The following COBL variants were observed in gnomAD, a reference collection of about 807,000 sequenced individuals.
COBL encodes the protein cordon-bleu WH2 repeat protein, also known as protein cordon-bleu.
A neutral mutation model predicts 98.8 loss-of-function variants in COBL; 51 were observed. The observed-to-expected ratio is 0.52, with a 90% CI of 0.41 to 0.65. The LOEUF is 0.65. Ranked by LOEUF, COBL falls within the 30% of genes least tolerant of loss-of-function variation. The pLI, the probability that COBL is intolerant of heterozygous loss-of-function variation, is 0.00. For missense variants in COBL, 1,617 were observed against 1,617.5 expected (o/e 1.00, Z 0.01); for synonymous variants, 634 against 651.7 (o/e 0.97, Z 0.41).
chr7:51,138,455 G>A (rs902013945), intron 5 of COBL, among the ~76,000 whole-genome samples: 2 of 152,154 alleles, frequency 1.3e-5, no homozygotes, highest in Non-Finnish European at 2.9e-5. Context: ...AAGGGATTTT[G>A]CTATTCACAG....
At chr7:51,266,151 T>C (rs1798182802) in intron 1 of COBL, among the ~76,000 whole-genome samples, 1 of 152,196 alleles carries the variant, frequency 6.6e-6, no homozygotes, top group Admixed American at 6.5e-5. Flanking sequence ...GGCAAATTAA[T>C]TACAAAACAA....
intron 1 of COBL, among the ~76,000 whole-genome samples, chr7:51,230,182 C>T (rs1282762637): frequency 1.3e-5 from 2 of 152,170 alleles, no homozygotes; most frequent in East Asian, 1.9e-4. Context: ...TTCTCTCCTA[C>T]GTGGACACCA....
chr7:51,128,987 A>T (rs1321858993), intron 6 of COBL, among the ~76,000 whole-genome samples: 1 of 152,198 alleles, frequency 6.6e-6, no homozygotes, highest in East Asian at 1.9e-4. Flanking sequence ...GCCCATTTAC[A>T]ACTCTTTTTC....
intron 7 of COBL, chr7:51,064,474 A>ATAAAGAAAATGTGG (rs1791697460): frequency 6.6e-6 from 1 of 152,194 alleles, no homozygotes; most frequent in Admixed American, 6.5e-5. Context: ...CAATGGATGG[A>ATAAAGAAAATGTGG]TAAAGAAAAT....
At chr7:51,284,754 G>A (rs1800163612) in intron 1 of COBL, among the ~76,000 whole-genome samples, 1 of 150,824 alleles carries the variant, frequency 6.6e-6, no homozygotes, top group South Asian at 2.1e-4. Flanking sequence ...TTGAACCCAG[G>A]AGGCAGAGGT....
At chr7:51,255,196 GAGA>G (rs975135775) in intron 1 of COBL, among the ~76,000 whole-genome samples, 21 of 152,320 alleles carry the variant, frequency 1.4e-4, no homozygotes, top group African/African-American at 4.3e-4. Context: ...ATGCAATTAA[GAGA>G]AGAATAATCC....
At chr7:51,185,022 G>A (rs2043733) in intron 4 of COBL, among the ~76,000 whole-genome samples, 76,383 of 151,968 alleles carry the variant, frequency 0.5, 20,548 homozygotes, top group Non-Finnish European at 0.61. Context: ...CATTCTCTAG[G>A]GGAGCAATTG....
chr7:51,097,030 A>G (rs982512211), intron 6 of COBL, among the ~76,000 whole-genome samples: 1 of 152,186 alleles, frequency 6.6e-6, no homozygotes, highest in Non-Finnish European at 1.5e-5. Context: ...TAAGACAAAG[A>G]TAGTATAAGA....
At chr7:51,205,643 TTTTG>T (rs1174021225) in intron 2 of COBL, among the ~76,000 whole-genome samples, 6 of 106,318 alleles carry the variant, frequency 5.6e-5, no homozygotes, top group African/African-American at 1.2e-4. Context: ...TTTTTTGGTT[TTTTG>T]TTTTTTTTTT....
intron 1 of COBL, among the ~76,000 whole-genome samples, chr7:51,224,675 TTTATTA>T (rs1794010543): frequency 1.3e-5 from 2 of 151,884 alleles, no homozygotes; most frequent in South Asian, 4.2e-4. Context: ...GGTTTTTTAT[TTTATTA>T]TTATTTTTTC....
chr7:51,116,057 T>C (rs1284029585), intron 6 of COBL, among the ~76,000 whole-genome samples: 1 of 152,106 alleles, frequency 6.6e-6, no homozygotes, highest in Non-Finnish European at 1.5e-5. Context: ...TTAAATGGTA[T>C]CCTTTTCTAC....
rs1049226077 is a variant in COBL at position 51,271,401 on chromosome 7, GC to G, written c.41+45191del. Among the ~76,000 whole-genome samples the G allele has an allele frequency of 1.2e-4, 19 of 152,154 alleles. 1 individual carries two copies. The highest frequency in any genetic ancestry group is 4.3e-4 in the African/African-American group (18 of 41,428). On this transcript the variant is annotated intron_variant, in intron 1 of 12. Transcript: ENST00000265136. ...GAGCTGCTGGGCTACTCCTTAGTAA[GC>G]CCCAACACTTCTGTTCTCACCAGTT...
At chr7:51,307,839 T>C (rs186209213) in intron 1 of COBL, among the ~76,000 whole-genome samples, 2 of 152,326 alleles carry the variant, frequency 1.3e-5, no homozygotes, top group East Asian at 1.9e-4. Flanking sequence ...ATGAAAAACA[T>C]TCAGACTTCA....
intron 1 of COBL, among the ~76,000 whole-genome samples, chr7:51,293,114 T>G (rs1050853467): frequency 1.3e-5 from 2 of 152,248 alleles, no homozygotes; most frequent in Non-Finnish European, 2.9e-5. Flanking sequence ...ACAATTACTT[T>G]GGAAAACAGC....
At chr7:51,093,569 A>G (rs187124212) in intron 6 of COBL, among the ~76,000 whole-genome samples, 30 of 152,342 alleles carry the variant, frequency 2.0e-4, no homozygotes, top group African/African-American at 7.2e-4. Flanking sequence ...CAACATTATT[A>G]TGAATGCCAC....
At chr7:51,114,814 T>C (rs1797132526) in intron 6 of COBL, among the ~76,000 whole-genome samples, 1 of 152,248 alleles carries the variant, frequency 6.6e-6, no homozygotes, top group African/African-American at 2.4e-5. Context: ...GATAACTTAC[T>C]GATATCTGAA....
At chr7:51,049,177 C>T (rs1349659087) in intron 7 of COBL, among the ~76,000 whole-genome samples, 1 of 152,160 alleles carries the variant, frequency 6.6e-6, no homozygotes, top group Non-Finnish European at 1.5e-5. Context: ...GGGAAACCAC[C>T]TGATGTTCAA....
intron 7 of COBL, among the ~76,000 whole-genome samples, chr7:51,069,154 G>A (rs1016105276): frequency 2.3e-4 from 35 of 152,136 alleles, no homozygotes; most frequent in African/African-American, 8.0e-4. Context: ...GTGCAGATTC[G>A]GGGTTTGCCC....
In COBL at chr7:51,148,450, C is replaced by T. The variant is rs193006345; in HGVS notation, c.784-12119G>A. ...TCCCCAAGTTGCAGGTACCCCTCAG[C>T]GGCCCACTGGGTCCTGTTGCCCTCC... On this transcript the variant is annotated intron_variant, in intron 5 of 12. Transcript: ENST00000265136. Among the ~76,000 whole-genome samples, 101 of 152,326 alleles carry T rather than the reference C, an allele frequency of 6.6e-4. 1 individual carries two copies. Among genetic ancestry groups the T allele is most frequent in the Admixed American group, 2.3e-3 (35 of 15,308 alleles).
Sources: allele counts gnomAD v4.1 joint callset (sites outside exome capture counted in the v4.1 genomes callset), GRCh38; gene constraint gnomAD v4.1.1; transcripts MANE v1.5; gene names NCBI Gene and HGNC (gene_info 2026-07-23, HGNC 2026-07-21).